Variants in HMCN1 observed in about 807,000 individuals in gnomAD.
HMCN1 encodes the protein hemicentin 1, also known as hemicentin-1.
HMCN1 carries 321 observed loss-of-function variants against 625.9 expected under a neutral mutation model. That is an observed-to-expected ratio of 0.51 (90% CI 0.47 to 0.56). The LOEUF is 0.56. Among genes scored for constraint, HMCN1 ranks in the 20% least tolerant of loss-of-function variants. The probability of loss-of-function intolerance (pLI) is 0.00; values close to 1 mark genes in which losing one functional copy is unlikely to be tolerated. For synonymous variants in HMCN1, 2,425 were observed against 2,417.6 expected (o/e 1.00, Z -0.09); for missense variants, 6,588 against 6,887.3 (o/e 0.96, Z 1.54).
At chr1:185,826,624 A>T (rs1366465840) in intron 1 of HMCN1, among the ~76,000 whole-genome samples, 1 of 152,224 alleles carries the variant, frequency 6.6e-6, no homozygotes, top group African/African-American at 2.4e-5. Context: ...TGGGCCAACC[A>T]CATGAAAACA....
intron 45 of HMCN1, 86 bp from the exon 46 acceptor site, chr1:186,057,148 A>G: frequency 1.9e-6 from 2 of 1,076,412 alleles, no homozygotes; most frequent in South Asian, 2.6e-5. Flanking sequence ...TTAGGATTTG[A>G]TGTTTGATAT....
intron 11 of HMCN1, among the ~76,000 whole-genome samples, chr1:185,947,956 G>A (rs1668429451): frequency 3.9e-5 from 6 of 152,160 alleles, no homozygotes; most frequent in Admixed American, 2.6e-4. Flanking sequence ...AATCAGAAAT[G>A]AAAATGCATT....
rs185452054 is a variant in HMCN1 at position 185,833,714 on chromosome 1, A to G, written c.269-12312A>G. 9.3e-3 allele frequency among the ~76,000 whole-genome samples: 1,418 copies of G among 152,220 alleles called. 20 individuals carry two copies. The highest frequency in any genetic ancestry group is 0.043 in the South Asian group (210 of 4,828). The stretch of plus-strand genomic sequence containing the variant: ...TCTATTAATGTCTATTATTTCTCTC[A>G]TACTTTTTAGGATTAAGTACCATAA... On this transcript the variant is annotated intron_variant, in intron 1 of 106. Transcript: ENST00000271588.
chr1:186,140,343 T>C (rs1649875948), intron 89 of HMCN1, among the ~76,000 whole-genome samples: 1 of 152,224 alleles, frequency 6.6e-6, no homozygotes, highest in South Asian at 2.1e-4. Flanking sequence ...ATGAACTTGA[T>C]ATTTTTTAAT....
chr1:185,865,627 A>T (rs1663134602), intron 3 of HMCN1, 114 bp from the exon 4 acceptor site: 1 of 752,880 alleles, frequency 1.3e-6, no homozygotes, highest in South Asian at 1.5e-5. Context: ...ACACACACAC[A>T]CACATTCACA....
At chr1:185,942,983 A>G (rs1251212111) in intron 11 of HMCN1, among the ~76,000 whole-genome samples, 2 of 152,054 alleles carry the variant, frequency 1.3e-5, no homozygotes, top group African/African-American at 2.4e-5. Context: ...CTCTACTCAC[A>G]TACCACTCAA....
rs1650668213 is a variant in HMCN1, at chr1:186,151,602, T to G, written c.14759-4T>G. On this transcript the variant is annotated splice_region_variant and splice_polypyrimidine_tract_variant and intron_variant, in intron 94 of 106. Transcript: ENST00000271588. ...TCACCTTATTTATCCTTTTTTTTCT[T>G]TAGGTTCAGCAATGAGAAAGATAGT... 2 of 1,611,070 alleles carry G rather than the reference T, an allele frequency of 1.2e-6. No homozygotes were observed. Among genetic ancestry groups the G allele is most frequent in the Non-Finnish European group, 1.7e-6 (2 of 1,178,096 alleles).
At chr1:186,185,191 G>A (rs1653206431) in intron 105 of HMCN1, among the ~76,000 whole-genome samples, 2 of 152,164 alleles carry the variant, frequency 1.3e-5, no homozygotes. Context: ...GCACACTGAT[G>A]TGCGTCCACC....
chr1:185,790,337 T>G (rs1657905457), intron 1 of HMCN1, among the ~76,000 whole-genome samples: 1 of 152,220 alleles, frequency 6.6e-6, no homozygotes, highest in South Asian at 2.1e-4. Flanking sequence ...CAAACAGTGA[T>G]TTTGTCAGTC....
chr1:185,741,670 C>T (rs1654003674), intron 1 of HMCN1, among the ~76,000 whole-genome samples: 1 of 152,096 alleles, frequency 6.6e-6, no homozygotes, highest in Non-Finnish European at 1.5e-5. Flanking sequence ...GTATGTTATC[C>T]TAGAAGTCAA....
At chr1:185,857,677 TG>T (rs1662556393) in intron 2 of HMCN1, among the ~76,000 whole-genome samples, 1 of 152,136 alleles carries the variant, frequency 6.6e-6, no homozygotes, top group South Asian at 2.1e-4. Flanking sequence ...CGAAATGGGA[TG>T]GGCTAGGCTT....
At chr1:185,962,720 G>C in intron 12 of HMCN1, 61 bp downstream of exon 12, 1 of 945,040 alleles carries the variant, frequency 1.1e-6, no homozygotes, top group Non-Finnish European at 1.8e-6. Context: ...GAGACTTCTG[G>C]ACCAAACTAA....
intron 11 of HMCN1, among the ~76,000 whole-genome samples, chr1:185,958,703 A>G (rs549104147): frequency 5.3e-5 from 8 of 152,170 alleles, no homozygotes; most frequent in Non-Finnish European, 1.0e-4. Flanking sequence ...ATTTCCCATT[A>G]AGGTATAGAC....
intron 97 of HMCN1, among the ~76,000 whole-genome samples, chr1:186,155,723 G>C (rs932787708): frequency 2.0e-5 from 3 of 152,110 alleles, no homozygotes; most frequent in Non-Finnish European, 4.4e-5. Context: ...CTTAGACACT[G>C]TGATTCTATG....
At position 186,117,930 on chromosome 1, in the gene HMCN1, C is replaced by A. The variant is rs912189526; in HGVS notation, c.11848+307C>A. On this transcript the variant is annotated intron_variant, in intron 77 of 106. Transcript: ENST00000271588. ...TAAGGTTTAACAAATTCCCGAGTTA[C>A]CTGTGAGTGAATCACACTTCTTTCA... is the stretch of plus-strand genomic sequence containing the variant. Among the ~76,000 whole-genome samples the A allele has an allele frequency of 2.6e-5, 4 of 152,174 alleles. No individual in the cohort carries two copies. The East Asian group carries it at 7.7e-4, about 29-fold the overall frequency.
At chr1:185,899,191 C>T (rs903629637) in intron 4 of HMCN1, among the ~76,000 whole-genome samples, 2 of 152,046 alleles carry the variant, frequency 1.3e-5, no homozygotes, top group Admixed American at 6.6e-5. Flanking sequence ...GACACTGGGG[C>T]GATGTTCGCT....
intron 15 of HMCN1, among the ~76,000 whole-genome samples, chr1:185,973,939 C>CTAAATAATGCAAA: frequency 6.6e-6 from 1 of 152,052 alleles, no homozygotes; most frequent in Non-Finnish European, 1.5e-5. Context: ...AAATCTCTGA[C>CTAAATAATGCAAA]TAAAATAATG....
At chr1:185,834,167 G>A (rs929952042) in intron 1 of HMCN1, among the ~76,000 whole-genome samples, 7 of 152,146 alleles carry the variant, frequency 4.6e-5, no homozygotes, top group Non-Finnish European at 1.0e-4. Context: ...TAGTTTGGGA[G>A]AATGTATAAG....
At chr1:185,790,513 A>G (rs908512356) in intron 1 of HMCN1, among the ~76,000 whole-genome samples, 2 of 152,204 alleles carry the variant, frequency 1.3e-5, no homozygotes, top group African/African-American at 2.4e-5. Context: ...CTCTCTGCAT[A>G]TGGGCACCTT....
Sources: allele counts gnomAD v4.1 joint callset (sites outside exome capture counted in the v4.1 genomes callset), GRCh38; gene constraint gnomAD v4.1.1; transcripts MANE v1.5; gene names NCBI Gene and HGNC (gene_info 2026-07-23, HGNC 2026-07-21).